Variants in WAC observed in about 807,000 individuals in gnomAD.
WAC encodes WW domain-containing adapter protein with coiled-coil.
WAC carries 11 observed loss-of-function variants against 79.6 expected under a neutral mutation model. The observed-to-expected ratio is 0.14, with a 90% CI of 0.09 to 0.23. The LOEUF is 0.23. Among genes scored for constraint, WAC ranks in the 10% least tolerant of loss-of-function variants. The probability of loss-of-function intolerance (pLI) is 1.00; values close to 1 mark genes in which losing one functional copy is unlikely to be tolerated. For missense variants in WAC, 728 were observed against 773.5 expected (o/e 0.94, Z 0.70); for synonymous variants, 304 against 276.9 (o/e 1.10, Z -0.97).
At chr10:28,611,278 C>T in intron 9 of WAC, 1 of 1,292,456 alleles carries the variant, frequency 7.7e-7, no homozygotes, top group Non-Finnish European at 1.0e-6. Context: ...TGAAGGTATC[C>T]AAATGGAGAG....
At chr10:28,535,420 G>T in intron 2 of WAC, 142 bp from the exon 3 acceptor site, 4 of 941,870 alleles carry the variant, frequency 4.2e-6, no homozygotes, top group East Asian at 3.3e-5. Flanking sequence ...AAACTTTAAA[G>T]AGTAAAGCAG....
chr10:28,539,360 TTTAGAG>T (rs1423422226), intron 3 of WAC, among the ~76,000 whole-genome samples: 1 of 152,278 alleles, frequency 6.6e-6, no homozygotes, highest in South Asian at 2.1e-4. Flanking sequence ...GCGTGTATAG[TTTAGAG>T]TTAGAGATTT....
At chr10:28,544,725 G>A (rs894841055) in intron 3 of WAC, among the ~76,000 whole-genome samples, 5 of 152,084 alleles carry the variant, frequency 3.3e-5, no homozygotes, top group African/African-American at 4.8e-5. Context: ...CCATTTCCAG[G>A]ACTTTGTGGT....
chr10:28,570,258 T>TA lies in WAC; in HGVS notation c.275-13140dup, dbSNP rs537637784. On this transcript the variant is annotated intron_variant, in intron 3 of 13. Coordinates refer to ENST00000354911, the MANE Select transcript of WAC (RefSeq NM_016628.5). ...GTGGAGGCTAGAGTAATTTTAAAGT[T>TA]ACTAGTTACCAACTTTTATTCTAAG... is the stretch of plus-strand genomic sequence containing the variant. Among the ~76,000 whole-genome samples, 53 of 152,366 alleles carry TA rather than the reference T, an allele frequency of 3.5e-4. No homozygotes were observed. The East Asian group carries it at 6.7e-3, about 19-fold the overall frequency.
chr10:28,552,973 T>C (rs939471472), intron 3 of WAC, among the ~76,000 whole-genome samples: 4 of 151,758 alleles, frequency 2.6e-5, no homozygotes, highest in Admixed American at 6.6e-5. Flanking sequence ...TTTTGTACTT[T>C]AATTTCTGCT....
At chr10:28,617,894 T>C in intron 13 of WAC, 110 bp downstream of exon 13, 1 of 1,252,726 alleles carries the variant, frequency 8.0e-7, no homozygotes, top group South Asian at 1.7e-5. Context: ...TTCTCTTCGA[T>C]ACATTGATCA....
chr10:28,550,161 A>G (rs1249416482), intron 3 of WAC, among the ~76,000 whole-genome samples: 2 of 108,280 alleles, frequency 1.8e-5, no homozygotes, highest in African/African-American at 4.6e-5. Context: ...TGCAAGACTC[A>G]GTCTCAAAAA....
chr10:28,619,204 C>A (rs1478030228), intron 13 of WAC, among the ~76,000 whole-genome samples: 2 of 152,092 alleles, frequency 1.3e-5, no homozygotes, highest in Non-Finnish European at 2.9e-5. Flanking sequence ...TGCTTGAACC[C>A]GGGAGGCGGA....
chr10:28,595,827 A>G lies in WAC; in HGVS notation c.705A>G (p.Pro235=), dbSNP rs1202283550. 3.7e-6 allele frequency: 6 copies of G among 1,614,148 alleles called. No individual in the cohort carries two copies. In the South Asian group the frequency reaches 6.6e-5, roughly 18 times the overall value. ...ACAATGACAGAGACTACAGACTGCCAAGAGCAGAGACTCACAGTAGTTCTA... is the reference window on the plus strand; with the variant it reads ...ACAATGACAGAGACTACAGACTGCCGAGAGCAGAGACTCACAGTAGTTCTA... The part of the protein sequence containing the change: ...SRHNDRDYRL[P]RAETHSSSTP... Residue 235 remains proline (P), a synonymous_variant, in exon 7 of 14, where the codon CCA becomes CCG. Coordinates refer to ENST00000354911, the MANE Select transcript of WAC (RefSeq NM_016628.5).
At chr10:28,534,091 A>G (rs1589112032) in intron 2 of WAC, 57 bp downstream of exon 2, 1 of 1,510,132 alleles carries the variant, frequency 6.6e-7, no homozygotes, top group Admixed American at 2.2e-5. Flanking sequence ...GAAGGGAGGG[A>G]CTGCTACTCG....
chr10:28,608,031 G>T (rs1841045748), intron 7 of WAC, among the ~76,000 whole-genome samples, 155 bp from the exon 8 acceptor site: 1 of 152,190 alleles, frequency 6.6e-6, no homozygotes, highest in African/African-American at 2.4e-5. Context: ...CTAGTCATGT[G>T]AATGTTTACT....
intron 8 of WAC, among the ~76,000 whole-genome samples, chr10:28,610,125 G>T (rs1159033259): frequency 6.6e-6 from 1 of 151,774 alleles, no homozygotes; most frequent in African/African-American, 2.4e-5. Flanking sequence ...TAGAGACAGG[G>T]TTTCACTATG....
At chr10:28,607,276 T>C (rs1017300334) in intron 7 of WAC, among the ~76,000 whole-genome samples, 5 of 152,214 alleles carry the variant, frequency 3.3e-5, no homozygotes, top group Admixed American at 3.3e-4. Flanking sequence ...AAGTTCAGTC[T>C]ACCTTTAACT....
chr10:28,576,714 A>G (rs1186269802), intron 3 of WAC, among the ~76,000 whole-genome samples: 2 of 152,228 alleles, frequency 1.3e-5, no homozygotes, highest in Non-Finnish European at 2.9e-5. Flanking sequence ...GGAGACATGT[A>G]TAATGCCCAG....
intron 7 of WAC, among the ~76,000 whole-genome samples, chr10:28,604,191 G>GTT (rs1288463531): frequency 6.7e-6 from 1 of 149,700 alleles, no homozygotes; most frequent in Non-Finnish European, 1.5e-5. Flanking sequence ...TTCTTTGACT[G>GTT]TTACGTCGAT....
At chr10:28,579,268 G>A (rs550155976) in intron 3 of WAC, among the ~76,000 whole-genome samples, 8 of 151,112 alleles carry the variant, frequency 5.3e-5, no homozygotes, top group African/African-American at 1.2e-4. Context: ...CATTGCCTCC[G>A]TTGCTTTTTT....
intron 3 of WAC, among the ~76,000 whole-genome samples, chr10:28,567,258 A>G (rs1275295547): frequency 7.0e-6 from 1 of 142,696 alleles, no homozygotes; most frequent in East Asian, 2.1e-4. Context: ...TTCGAAGTAT[A>G]TTTTCTTTAT....
chr10:28,578,799 C>T (rs1242571089), intron 3 of WAC, among the ~76,000 whole-genome samples: 16 of 152,052 alleles, frequency 1.1e-4, no homozygotes, highest in Admixed American at 1.0e-3. Flanking sequence ...AGGGATTATT[C>T]TGTCAAAAAT....
chr10:28,592,598 G>A (rs1840148292), intron 6 of WAC, among the ~76,000 whole-genome samples: 1 of 152,010 alleles, frequency 6.6e-6, no homozygotes, highest in Admixed American at 6.6e-5. Context: ...TCCAGCCTGG[G>A]TGACAGAGCA....
Sources: gnomAD v4.1 joint callset for allele counts (sites outside exome capture counted in the v4.1 genomes callset) on GRCh38, gnomAD v4.1.1 for gene constraint, MANE v1.5 for transcripts, NCBI Gene and HGNC (gene_info 2026-07-23, HGNC 2026-07-21) for gene names.